The following CCSER1 variants were observed in gnomAD, a reference collection of about 807,000 sequenced individuals.
CCSER1 encodes the protein serine-rich coiled-coil domain-containing protein 1.
In CCSER1, 41 loss-of-function variants were observed where a neutral mutation model predicts 82.0. The observed-to-expected ratio is 0.50, with a 90% CI of 0.39 to 0.65. The LOEUF (loss-of-function observed/expected upper bound fraction) is 0.65. CCSER1 is among the 30% of genes least tolerant of loss of function. The pLI is 0.00. For missense variants in CCSER1, 1,119 were observed against 1,064.2 expected (o/e 1.05, Z -0.72); for synonymous variants, 414 against 383.9 (o/e 1.08, Z -0.92).
At chr4:90,287,804 T>C (rs1193813567) in intron 1 of CCSER1, among the ~76,000 whole-genome samples, 1 of 151,970 alleles carries the variant, frequency 6.6e-6, no homozygotes, top group African/African-American at 2.4e-5. Flanking sequence ...AGTAAATATT[T>C]AATCTAATTT....
chr4:91,401,845 T>C (rs1022922055), intron 10 of CCSER1, among the ~76,000 whole-genome samples: 1 of 152,176 alleles, frequency 6.6e-6, no homozygotes, highest in African/African-American at 2.4e-5. Context: ...TTGTGAATAG[T>C]GCCACAATAA....
chr4:90,581,356 A>G (rs983153823), intron 5 of CCSER1, among the ~76,000 whole-genome samples: 1 of 152,248 alleles, frequency 6.6e-6, no homozygotes, highest in South Asian at 2.1e-4. Context: ...TTAGTAGACC[A>G]GTTTAATAAT....
At chr4:91,213,919 C>T (rs1737034948) in intron 10 of CCSER1, among the ~76,000 whole-genome samples, 1 of 152,024 alleles carries the variant, frequency 6.6e-6, no homozygotes, top group Non-Finnish European at 1.5e-5. Context: ...GTTATGTTGT[C>T]TCATGCAACA....
At chr4:91,164,114 A>G (rs565465327) in intron 10 of CCSER1, among the ~76,000 whole-genome samples, 4 of 152,084 alleles carry the variant, frequency 2.6e-5, no homozygotes, top group African/African-American at 4.8e-5. Context: ...AGCTCTTGTA[A>G]GGCAGGCCTG....
At chr4:91,429,056 G>C (rs1481131625) in intron 10 of CCSER1, among the ~76,000 whole-genome samples, 1 of 151,920 alleles carries the variant, frequency 6.6e-6, no homozygotes, top group African/African-American at 2.4e-5. Flanking sequence ...ATACAGCATT[G>C]ATTTATCTTG....
intron 10 of CCSER1, among the ~76,000 whole-genome samples, chr4:91,275,476 C>T (rs1185606902): frequency 6.6e-6 from 1 of 152,124 alleles, no homozygotes; most frequent in Non-Finnish European, 1.5e-5. Context: ...CTTCTTCTGA[C>T]AAATGTATAT....
At chr4:91,355,086 C>T (rs1311102481) in intron 10 of CCSER1, among the ~76,000 whole-genome samples, 1 of 152,082 alleles carries the variant, frequency 6.6e-6, no homozygotes, top group East Asian at 1.9e-4. Flanking sequence ...GGAGGGGCTG[C>T]CTTTTCCTTT....
At chr4:91,310,752 GTCTAA>G (rs1321135806) in intron 10 of CCSER1, among the ~76,000 whole-genome samples, 1 of 151,906 alleles carries the variant, frequency 6.6e-6, no homozygotes, top group African/African-American at 2.4e-5. Context: ...TGAAATAAAA[GTCTAA>G]TCTGATCTTG....
intron 10 of CCSER1, among the ~76,000 whole-genome samples, chr4:91,293,488 A>C (rs1170749668): frequency 2.6e-5 from 4 of 152,000 alleles, no homozygotes; most frequent in African/African-American, 9.7e-5. Context: ...AATGAATAAC[A>C]TGTTATTTGT....
Position 91,021,116 on chromosome 4 carries a change from G to A in CCSER1, c.2173-64834G>A, listed in dbSNP as rs184378620. Reference sequence around the variant, plus strand: ...ATAGATACAAGGAAAAATTGGAAAGGTTGGATTTTAATATCATAAAGAAAT... The same window carrying A: ...ATAGATACAAGGAAAAATTGGAAAGATTGGATTTTAATATCATAAAGAAAT... On this transcript the variant is annotated intron_variant, in intron 9 of 10. Coordinates refer to ENST00000509176, the MANE Select transcript of CCSER1 (RefSeq NM_001145065.2). Among the ~76,000 whole-genome samples, 1,301 of 152,158 alleles carry A rather than the reference G, an allele frequency of 8.6e-3. 30 individuals are homozygous for A. The highest frequency in any genetic ancestry group is 0.03 in the African/African-American group (1,246 of 41,544).
At chr4:90,833,483 A>G (rs73836705) in intron 8 of CCSER1, among the ~76,000 whole-genome samples, 5,473 of 152,240 alleles carry the variant, frequency 0.036, 352 homozygotes, top group African/African-American at 0.13. Flanking sequence ...ACAGATGGCC[A>G]TCTTATTATG....
intron 1 of CCSER1, among the ~76,000 whole-genome samples, chr4:90,261,049 C>T (rs1458844745): frequency 6.6e-6 from 1 of 152,056 alleles, no homozygotes; most frequent in Non-Finnish European, 1.5e-5. Context: ...TTCGGCCATT[C>T]TTTACCTTTT....
At chr4:90,409,195 G>A (rs1234390823) in intron 4 of CCSER1, among the ~76,000 whole-genome samples, 3 of 152,172 alleles carry the variant, frequency 2.0e-5, no homozygotes, top group Admixed American at 2.0e-4. Context: ...AACCAAGTTG[G>A]AAAACACTCT....
At chr4:90,566,658 A>C (rs962177922) in intron 5 of CCSER1, among the ~76,000 whole-genome samples, 1 of 148,100 alleles carries the variant, frequency 6.8e-6, no homozygotes, top group African/African-American at 2.5e-5. Context: ...GCTGGAGTGC[A>C]GTGGCGCAAT....
Position 91,255,194 on chromosome 4 carries a change from A to G in CCSER1, c.2217+169200A>G, listed in dbSNP as rs116161721. On this transcript the variant is annotated intron_variant, in intron 10 of 10. Transcript: ENST00000509176. ...AGAGGTCAAGGGCATAGTTTCTGGG[A>G]CAGAATACCTAGGCTTGATGACAGC... Among the ~76,000 whole-genome samples, 1,257 of 152,298 alleles carry G rather than the reference A, an allele frequency of 8.3e-3. 22 individuals carry two copies. The highest frequency in any genetic ancestry group is 0.029 in the African/African-American group (1,193 of 41,576).
At chr4:91,290,591 A>G (rs1743668425) in intron 10 of CCSER1, among the ~76,000 whole-genome samples, 1 of 152,004 alleles carries the variant, frequency 6.6e-6, no homozygotes, top group Non-Finnish European at 1.5e-5. Context: ...TTAAAATATG[A>G]ATGATCTAGT....
intron 9 of CCSER1, among the ~76,000 whole-genome samples, chr4:91,019,641 C>T (rs567906404): frequency 5.9e-5 from 9 of 152,218 alleles, no homozygotes; most frequent in African/African-American, 2.2e-4. Context: ...GTATCTGTTG[C>T]TTACTGCTGG....
At chr4:91,466,143 AG>A (rs1756890382) in intron 10 of CCSER1, among the ~76,000 whole-genome samples, 1 of 152,224 alleles carries the variant, frequency 6.6e-6, no homozygotes, top group Non-Finnish European at 1.5e-5. Flanking sequence ...CACGTCAAAA[AG>A]CTTATCCATT....
At chr4:91,151,243 T>G (rs2148953323) in intron 10 of CCSER1, among the ~76,000 whole-genome samples, 1 of 152,314 alleles carries the variant, frequency 6.6e-6, no homozygotes, top group Admixed American at 6.5e-5. Flanking sequence ...CTAGATTTTC[T>G]AGTTTATTTG....
Sources: allele counts gnomAD v4.1 joint callset (sites outside exome capture counted in the v4.1 genomes callset), GRCh38; gene constraint gnomAD v4.1.1; transcripts MANE v1.5; gene names NCBI Gene and HGNC (gene_info 2026-07-23, HGNC 2026-07-21).